The following CALN1 variants were observed in gnomAD, a reference collection of about 807,000 sequenced individuals.
The protein encoded by CALN1 is calneuron 1.
CALN1 carries 17 observed loss-of-function variants against 30.6 expected under a neutral mutation model. That is an observed-to-expected ratio of 0.56 (90% CI 0.38 to 0.83). CALN1 has a LOEUF of 0.83. Among genes scored for constraint, CALN1 ranks in the 40% least tolerant of loss-of-function variants. CALN1 has a pLI of 0.00. For synonymous variants in CALN1, 156 were observed against 131.4 expected, an observed-to-expected ratio of 1.19 and a Z score of -1.28; for missense variants, 291 against 354.9, an observed-to-expected ratio of 0.82 and a Z score of 1.45.
At chr7:72,348,601 C>T (rs894164946) in intron 2 of CALN1, among the ~76,000 whole-genome samples, 1 of 152,218 alleles carries the variant, frequency 6.6e-6, no homozygotes, top group South Asian at 2.1e-4. Context: ...CGAACAATTT[C>T]TAGACGTAAG....
intron 6 of CALN1, among the ~76,000 whole-genome samples, chr7:71,807,038 C>T (rs113108026): frequency 1.6e-4 from 25 of 152,280 alleles, no homozygotes; most frequent in African/African-American, 5.1e-4. Flanking sequence ...GGACAAGGCA[C>T]GCAGCTTAGG....
At chr7:72,391,477 TGAA>T (rs10579096) in intron 2 of CALN1, among the ~76,000 whole-genome samples, 61,899 of 151,646 alleles carry the variant, frequency 0.41, 14,506 homozygotes, top group Admixed American at 0.54. Flanking sequence ...CCCAGCATGA[TGAA>T]GAAGAAGTGT....
At chr7:72,404,384 G>C (rs1249726126) in intron 1 of CALN1, among the ~76,000 whole-genome samples, 1 of 152,170 alleles carries the variant, frequency 6.6e-6, no homozygotes, top group African/African-American at 2.4e-5. Flanking sequence ...ATCAATGTCA[G>C]TTCTCTTTGG....
At chr7:72,049,954 C>T (rs1467869710) in intron 4 of CALN1, among the ~76,000 whole-genome samples, 1 of 151,042 alleles carries the variant, frequency 6.6e-6, no homozygotes, top group Non-Finnish European at 1.5e-5. Context: ...GGACTAGGGG[C>T]TCACACTACC....
chr7:72,201,033 G>A (rs1187893013), intron 3 of CALN1, among the ~76,000 whole-genome samples: 2 of 152,120 alleles, frequency 1.3e-5, no homozygotes, highest in Non-Finnish European at 2.9e-5. Flanking sequence ...ATCAACCTAG[G>A]TGCCCATCAA....
intron 4 of CALN1, among the ~76,000 whole-genome samples, chr7:72,027,863 C>T (rs1801177838): frequency 6.6e-6 from 1 of 150,908 alleles, no homozygotes; most frequent in Admixed American, 6.6e-5. Flanking sequence ...CGAGACCATC[C>T]TGGCTAACAC....
chr7:72,238,310 T>C (rs1794609601), intron 3 of CALN1, among the ~76,000 whole-genome samples: 1 of 152,238 alleles, frequency 6.6e-6, no homozygotes, highest in South Asian at 2.1e-4. Flanking sequence ...CAAATGTCTA[T>C]GAGAATGAGT....
intron 3 of CALN1, among the ~76,000 whole-genome samples, chr7:72,201,355 G>A (rs1220656364): frequency 2.0e-5 from 3 of 152,118 alleles, no homozygotes; most frequent in Admixed American, 6.6e-5. Flanking sequence ...TTGGGAGGCC[G>A]AGGTGGGTGG....
intron 5 of CALN1, among the ~76,000 whole-genome samples, chr7:71,921,926 G>T (rs894939060): frequency 6.6e-6 from 1 of 151,772 alleles, no homozygotes; most frequent in Non-Finnish European, 1.5e-5. Flanking sequence ...CCCAGGTTGA[G>T]GCAGGTAACA....
intron 6 of CALN1, among the ~76,000 whole-genome samples, chr7:71,793,179 G>T (rs150391283): frequency 1.3e-5 from 2 of 152,012 alleles, no homozygotes; most frequent in East Asian, 3.9e-4. Flanking sequence ...GGTGGCGGGC[G>T]CCTGTAATAC....
At chr7:72,271,394 C>CT (rs2129553474) in intron 3 of CALN1, among the ~76,000 whole-genome samples, 1 of 151,424 alleles carries the variant, frequency 6.6e-6, no homozygotes, top group Admixed American at 6.6e-5. Context: ...TGGTGAATAT[C>CT]TATCTTCCAT....
intron 5 of CALN1, among the ~76,000 whole-genome samples, chr7:71,896,226 T>G (rs1394478591): frequency 6.6e-6 from 1 of 152,208 alleles, no homozygotes; most frequent in African/African-American, 2.4e-5. Flanking sequence ...TAATGTCACA[T>G]TTCTTTGCAG....
intron 3 of CALN1, among the ~76,000 whole-genome samples, chr7:72,122,617 T>C (rs1490090280): frequency 6.6e-6 from 1 of 152,020 alleles, no homozygotes; most frequent in Non-Finnish European, 1.5e-5. Context: ...TCCAAGCTAC[T>C]GGGGAGACTG....
intron 5 of CALN1, among the ~76,000 whole-genome samples, chr7:72,007,216 C>T (rs551038173): frequency 4.6e-5 from 7 of 152,246 alleles, no homozygotes; most frequent in South Asian, 2.1e-4. Flanking sequence ...AACATCTGGC[C>T]GGGGAACATA....
chr7:72,352,698 G>A (rs1416336916), intron 2 of CALN1, among the ~76,000 whole-genome samples: 1 of 151,894 alleles, frequency 6.6e-6, no homozygotes, highest in African/African-American at 2.4e-5. Context: ...AAGATGAAAG[G>A]TTTAAAGCCA....
intron 5 of CALN1, among the ~76,000 whole-genome samples, chr7:71,965,285 C>T (rs992782535): frequency 5.3e-5 from 8 of 152,158 alleles, no homozygotes; most frequent in African/African-American, 1.9e-4. Flanking sequence ...CCCGCCTCAG[C>T]CTCCCAAAGT....
At chr7:71,792,919 C>CA (rs1237848445) in intron 6 of CALN1, among the ~76,000 whole-genome samples, 1 of 151,832 alleles carries the variant, frequency 6.6e-6, no homozygotes. Context: ...AGCGGGGCTG[C>CA]AAGTTTGATC....
chr7:72,339,812 T>C (rs1481972701), intron 2 of CALN1, among the ~76,000 whole-genome samples: 3 of 152,286 alleles, frequency 2.0e-5, no homozygotes, highest in Admixed American at 2.0e-4. Flanking sequence ...GTGAGACTTA[T>C]TCACTATCAT....
At chr7:72,073,246 G>A (rs967198049) in intron 4 of CALN1, among the ~76,000 whole-genome samples, 1 of 152,152 alleles carries the variant, frequency 6.6e-6, no homozygotes, top group Admixed American at 6.5e-5. Flanking sequence ...GGAACTGGGG[G>A]GAAGGGAGAA....
Sources: gnomAD v4.1 joint callset for allele counts (sites outside exome capture counted in the v4.1 genomes callset) on GRCh38, gnomAD v4.1.1 for gene constraint, MANE v1.5 for transcripts, NCBI Gene and HGNC (gene_info 2026-07-23, HGNC 2026-07-21) for gene names.